COL5A2: variants seen among roughly 807,000 people sequenced by gnomAD.
COL5A2 encodes the protein collagen type V alpha 2 chain, also known as collagen alpha-2(V) chain.
In COL5A2, 23 loss-of-function variants were observed where a neutral mutation model predicts 208.2. The ratio of observed to expected loss-of-function variants is 0.11; its 90% CI spans 0.08 to 0.16. The LOEUF (loss-of-function observed/expected upper bound fraction) is 0.16, where lower values mean the gene tolerates loss of function less well. Among genes scored for constraint, COL5A2 ranks in the 10% least tolerant of loss-of-function variants. The pLI, the probability that COL5A2 is intolerant of heterozygous loss-of-function variation, is 1.00. For missense variants in COL5A2, 1,590 were observed against 1,956.4 expected, an observed-to-expected ratio of 0.81 and a Z score of 3.53; for synonymous variants, 625 against 628.5, an observed-to-expected ratio of 0.99 and a Z score of 0.08.
At chr2:189,375,081 A>G in the COL5A2 span, among the ~76,000 whole-genome samples, 3 of 151,756 alleles carry the variant, frequency 2.0e-5, no homozygotes, top group Non-Finnish European at 4.4e-5. Context: ...CCATGGCACA[A>G]TCTCAGCTCA....
chr2:189,111,904 C>T (rs1358813637), intron 1 of COL5A2, among the ~76,000 whole-genome samples: 2 of 149,024 alleles, frequency 1.3e-5, no homozygotes, highest in African/African-American at 4.9e-5. Context: ...TTGTTCTTGT[C>T]GCCCAGGCAG....
At chr2:189,349,839 T>C in the COL5A2 span, among the ~76,000 whole-genome samples, 1 of 152,274 alleles carries the variant, frequency 6.6e-6, no homozygotes, top group South Asian at 2.1e-4. Flanking sequence ...TACATACTGA[T>C]GCTTTCAAAG....
chr2:189,095,356 T>C (rs1481161466), intron 6 of COL5A2, among the ~76,000 whole-genome samples: 2 of 152,150 alleles, frequency 1.3e-5, no homozygotes, highest in Non-Finnish European at 2.9e-5. Context: ...ATTAAAAGAT[T>C]TGTTAAACAC....
chr2:189,251,445 T>G, the COL5A2 span, among the ~76,000 whole-genome samples: 2 of 152,192 alleles, frequency 1.3e-5, no homozygotes, highest in Non-Finnish European at 2.9e-5. Context: ...TTCTGCCATC[T>G]GACTCTGCCC....
the COL5A2 span, among the ~76,000 whole-genome samples, chr2:189,352,171 T>C: frequency 5.9e-4 from 90 of 152,318 alleles, 4 homozygotes; most frequent in South Asian, 0.018. Context: ...ATGGTGTATA[T>C]GTGCCACATT....
the COL5A2 span, among the ~76,000 whole-genome samples, chr2:189,411,914 G>A: frequency 1.3e-5 from 2 of 152,174 alleles, no homozygotes; most frequent in East Asian, 3.9e-4. Flanking sequence ...CATACTAATG[G>A]GGTCAAAGAC....
At chr2:189,293,644 C>T in the COL5A2 span, among the ~76,000 whole-genome samples, 2 of 152,174 alleles carry the variant, frequency 1.3e-5, no homozygotes, top group African/African-American at 4.8e-5. Flanking sequence ...AGAGAGCTAG[C>T]TATCCTCTTC....
chr2:189,266,549 T>C, the COL5A2 span, among the ~76,000 whole-genome samples: 4 of 152,194 alleles, frequency 2.6e-5, 1 homozygote, highest in South Asian at 6.2e-4. Context: ...CCTAAATCTA[T>C]GAAGTGTCCA....
At chr2:189,347,925 C>T in the COL5A2 span, among the ~76,000 whole-genome samples, 1 of 152,098 alleles carries the variant, frequency 6.6e-6, no homozygotes, top group Non-Finnish European at 1.5e-5. Flanking sequence ...AAGTAAGTCC[C>T]AATTAATCTT....
In COL5A2 at chr2:189,034,232, G is replaced by A; in HGVS notation, c.4354-16C>T. 6.2e-7 allele frequency: 1 copy of A among 1,613,638 alleles called. No homozygotes were observed. Among genetic ancestry groups the A allele is most frequent in the Non-Finnish European group, 8.5e-7 (1 of 1,179,768 alleles). ...CATTCCGCTTCTGAAATTAAATGATGCAATGGGTTAAATGTACATACAATT... is the reference window on the plus strand; with the variant it reads ...CATTCCGCTTCTGAAATTAAATGATACAATGGGTTAAATGTACATACAATT... On this transcript the variant is annotated splice_polypyrimidine_tract_variant and intron_variant, in intron 53 of 53. Coordinates refer to ENST00000374866, the MANE Select transcript of COL5A2 (RefSeq NM_000393.5).
chr2:189,143,756 A>G (rs1169877320), intron 1 of COL5A2, among the ~76,000 whole-genome samples: 1 of 152,156 alleles, frequency 6.6e-6, no homozygotes, highest in Non-Finnish European at 1.5e-5. Flanking sequence ...TGGAGGTTAG[A>G]ATAACTAGAA....
chr2:189,084,559 A>G (rs1017364392), intron 11 of COL5A2, among the ~76,000 whole-genome samples: 6 of 152,304 alleles, frequency 3.9e-5, no homozygotes, highest in African/African-American at 1.4e-4. Context: ...TTGGTTTAGT[A>G]TCATATAGAA....
chr2:189,035,700 T>C (rs1421362873), intron 52 of COL5A2, among the ~76,000 whole-genome samples: 2 of 152,128 alleles, frequency 1.3e-5, no homozygotes, highest in Non-Finnish European at 2.9e-5. Flanking sequence ...ATTTCAACTA[T>C]TTATATTTAA....
At chr2:189,301,333 C>T in the COL5A2 span, among the ~76,000 whole-genome samples, 5 of 152,156 alleles carry the variant, frequency 3.3e-5, no homozygotes, top group African/African-American at 1.2e-4. Flanking sequence ...TGATACCCTA[C>T]CCAATTCACT....
rs200428114 is a variant in COL5A2, at chr2:189,066,466, G to T, written c.1487C>A (p.Pro496Gln). The part of the protein sequence containing the change: ...GPHGIQGPIG[P>Q]PGEEGKRGPR... ...ACCTCTTTTGCCTTCTTCACCGGGTGGGCCTATCGGACCCTGAATACCATG... is the reference window on the plus strand; with the variant it reads ...ACCTCTTTTGCCTTCTTCACCGGGTTGGCCTATCGGACCCTGAATACCATG... The change falls in exon 23 of 54, where the codon CCA becomes CAA. Residue 496 changes from proline (P) to glutamine (Q), a missense_variant. Coordinates refer to ENST00000374866, the MANE Select transcript of COL5A2 (RefSeq NM_000393.5). 1 of 1,614,122 alleles carries T rather than the reference G, an allele frequency of 6.2e-7. No individual in the cohort carries two copies.
chr2:189,270,026 G>A, the COL5A2 span, among the ~76,000 whole-genome samples: 1,287 of 152,240 alleles, frequency 8.5e-3, 22 homozygotes, highest in African/African-American at 0.029. Flanking sequence ...TTGCATAGAG[G>A]TGTTTATAGT....
intron 30 of COL5A2, among the ~76,000 whole-genome samples, chr2:189,061,165 A>G (rs56063417): frequency 0.018 from 2,671 of 152,262 alleles, 25 homozygotes; most frequent in Non-Finnish European, 0.02. Context: ...CCTATTAAAT[A>G]ATGTACATAC....
intron 1 of COL5A2, among the ~76,000 whole-genome samples, chr2:189,131,639 C>T (rs190409230): frequency 1.9e-4 from 29 of 152,090 alleles, no homozygotes; most frequent in Middle Eastern, 3.4e-3. Flanking sequence ...TGTCTGGACC[C>T]GAAGGAGGGA....
chr2:189,294,209 T>C, the COL5A2 span, among the ~76,000 whole-genome samples: 7 of 152,336 alleles, frequency 4.6e-5, no homozygotes, highest in East Asian at 1.3e-3. Flanking sequence ...TACAAGTGTT[T>C]CCTGGAATCG....
Sources: allele counts gnomAD v4.1 joint callset (sites outside exome capture counted in the v4.1 genomes callset), GRCh38; gene constraint gnomAD v4.1.1; transcripts MANE v1.5; gene names NCBI Gene and HGNC (gene_info 2026-07-23, HGNC 2026-07-21).